The following GRK7 variants were observed in gnomAD, a reference collection of about 807,000 sequenced individuals.
GRK7 encodes the protein G protein-coupled receptor kinase 7.
GRK7 carries 24 observed loss-of-function variants against 34.1 expected under a neutral mutation model. The ratio of observed to expected loss-of-function variants is 0.70; its 90% CI spans 0.51 to 0.99. GRK7 has a LOEUF of 0.99. GRK7 is among the 50% of genes least tolerant of loss of function. The probability of loss-of-function intolerance (pLI) is 0.00; values close to 1 mark genes in which losing one functional copy is unlikely to be tolerated. For synonymous variants in GRK7, 256 were observed against 279.4 expected (o/e 0.92, Z 0.84); for missense variants, 644 against 707.3 (o/e 0.91, Z 1.02).
intron 4 of GRK7, among the ~76,000 whole-genome samples, chr3:141,785,733 C>T (rs1427809723): frequency 6.6e-6 from 1 of 150,774 alleles, no homozygotes; most frequent in East Asian, 1.9e-4. Flanking sequence ...CACTGCACTC[C>T]AGCCTGGATG....
chr3:141,777,322 C>CTTTTTTTATTTTTTTTTTT (rs2084644231), intron 2 of GRK7, among the ~76,000 whole-genome samples: 1 of 52,872 alleles, frequency 1.9e-5, no homozygotes, highest in Non-Finnish European at 3.4e-5. Context: ...GATGGCCCCT[C>CTTTTTTTATTTTTTTTTTT]TTTTTTTTTT....
intron 4 of GRK7, among the ~76,000 whole-genome samples, chr3:141,790,950 T>C (rs1234453450): frequency 6.6e-6 from 1 of 152,260 alleles, no homozygotes; most frequent in East Asian, 1.9e-4. Flanking sequence ...GTTTGTATCA[T>C]TGTAAAAGAT....
chr3:141,771,851 A>AT (rs2084618805), intron 1 of GRK7, among the ~76,000 whole-genome samples: 1 of 151,500 alleles, frequency 6.6e-6, no homozygotes, highest in Non-Finnish European at 1.5e-5. Context: ...TGCCCGGCTA[A>AT]TTTTTGTATT....
rs77216452 is a variant in GRK7, at chr3:141,813,911, A to T, written c.1326-2803A>T. ...TGTACTGGTTGAATGTAATAATATAAGTGAAGAGCTGAATGTTGTGTTAAC... is the reference window on the plus strand; with the variant it reads ...TGTACTGGTTGAATGTAATAATATATGTGAAGAGCTGAATGTTGTGTTAAC... On this transcript the variant is annotated intron_variant, in intron 5 of 5. Transcript: ENST00000682958. Among the ~76,000 whole-genome samples the T allele has an allele frequency of 7.2e-3, 1,097 of 152,308 alleles. 17 individuals are homozygous for T. Among genetic ancestry groups the T allele is most frequent in the African/African-American group, 0.025 (1,027 of 41,568 alleles).
intron 1 of GRK7, among the ~76,000 whole-genome samples, chr3:141,773,534 C>T (rs911543078): frequency 3.9e-5 from 6 of 152,050 alleles, no homozygotes; most frequent in Non-Finnish European, 7.4e-5. Flanking sequence ...TTTTTTGAGA[C>T]GGAGTCTTGC....
At chr3:141,780,173 AT>A (rs2084664252) in intron 3 of GRK7, among the ~76,000 whole-genome samples, 200 bp from the exon 4 acceptor site, 1 of 152,096 alleles carries the variant, frequency 6.6e-6, no homozygotes, top group African/African-American at 2.4e-5. Flanking sequence ...ATTTTCCTGT[AT>A]TTTTTTATGA....
the GRK7 span, among the ~76,000 whole-genome samples, chr3:141,756,792 A>G: frequency 1.3e-5 from 2 of 152,130 alleles, no homozygotes; most frequent in African/African-American, 4.8e-5. Flanking sequence ...TTATTGTTCA[A>G]CTCTTCAAGA....
intron 4 of GRK7, among the ~76,000 whole-genome samples, chr3:141,801,058 C>T (rs749447070): frequency 5.9e-5 from 9 of 152,100 alleles, no homozygotes; most frequent in Non-Finnish European, 1.0e-4. Flanking sequence ...CACCTGTAAT[C>T]CCAGCACTTT....
At chr3:141,807,622 G>GT in intron 4 of GRK7, 23 bp from the exon 5 acceptor site, 2 of 1,609,084 alleles carry the variant, frequency 1.2e-6, no homozygotes, top group Non-Finnish European at 1.7e-6. Flanking sequence ...GTGTTGTCTT[G>GT]TTTTTTGTTT....
At chr3:141,783,417 C>T (rs191270751) in intron 4 of GRK7, among the ~76,000 whole-genome samples, 48 of 152,264 alleles carry the variant, frequency 3.2e-4, no homozygotes, top group Non-Finnish European at 4.4e-5. Context: ...GGTGAAGGAG[C>T]GGGTTCTAGT....
upstream of GRK7, among the ~76,000 whole-genome samples, chr3:141,760,307 A>G (rs1577906582): frequency 1.2e-4 from 15 of 123,466 alleles, 1 homozygote; most frequent in South Asian, 4.4e-3. Context: ...AGATTCTGGT[A>G]TGTTGTGTCT....
chr3:141,810,698 G>A (rs895100824), intron 5 of GRK7, among the ~76,000 whole-genome samples: 1 of 151,972 alleles, frequency 6.6e-6, no homozygotes, highest in Non-Finnish European at 1.5e-5. Flanking sequence ...TGTATTTTTA[G>A]TAGAGACGGG....
intron 4 of GRK7, among the ~76,000 whole-genome samples, chr3:141,784,336 C>T (rs2084685941): frequency 6.6e-6 from 1 of 152,186 alleles, no homozygotes; most frequent in Non-Finnish European, 1.5e-5. Flanking sequence ...CTCTCCGTCC[C>T]GTGAGACCAC....
Position 141,778,965 on chromosome 3 carries a change from CT to C in GRK7, c.612+76del. On this transcript the variant is annotated intron_variant, in intron 3 of 5. Coordinates refer to ENST00000682958, the MANE Select transcript of GRK7 (RefSeq NM_139209.3). The surrounding 1 kb of genome is among the most constrained non-coding windows in gnomAD (Gnocchi z 4.1). The stretch of plus-strand genomic sequence containing the variant: ...CATGAAAGGGGGTAATGTTGCCTTT[CT>C]TTTTTTAAATCTCAGTTACTTAGAA... 2.8e-6 allele frequency: 4 copies of C among 1,432,424 alleles called. No homozygotes were observed. The highest frequency in any genetic ancestry group is 2.7e-5 in the South Asian group (2 of 73,066). 88.7% of individuals were successfully genotyped at this position (1,432,424 alleles called of 1,614,324 possible). A position where few individuals can be genotyped will look rare whatever the true frequency, so the allele number is the denominator to read the frequency against.
intron 5 of GRK7, among the ~76,000 whole-genome samples, chr3:141,808,122 A>C (rs1711055525): frequency 6.6e-6 from 1 of 152,226 alleles, no homozygotes; most frequent in Admixed American, 6.5e-5. Flanking sequence ...ATGTATTTTA[A>C]GGTGGAAAAG....
At chr3:141,784,214 C>G (rs931385400) in intron 4 of GRK7, among the ~76,000 whole-genome samples, 5 of 152,160 alleles carry the variant, frequency 3.3e-5, no homozygotes, top group African/African-American at 1.2e-4. Context: ...TCTGGCTCAT[C>G]TGGAACGTGC....
At chr3:141,772,441 C>G (rs2084621122) in intron 1 of GRK7, among the ~76,000 whole-genome samples, 1 of 152,312 alleles carries the variant, frequency 6.6e-6, no homozygotes, top group South Asian at 2.1e-4. Context: ...AGAACTTACA[C>G]TGCTCAAAAT....
At position 141,763,923 on chromosome 3, in the gene GRK7, G is replaced by T. The variant is rs922449045; in HGVS notation, c.-2030G>T. Among the ~76,000 whole-genome samples the T allele has an allele frequency of 6.6e-6, 1 of 151,980 alleles. No individual in the cohort carries two copies. ...CCCTAAAACCTGGTTCTCCCCCAAG[G>T]ACACTGTTTCTTCTGCAACACTTCT... On this transcript the variant is annotated 5_prime_UTR_variant, in exon 1 of 6. Coordinates refer to ENST00000682958, the MANE Select transcript of GRK7 (RefSeq NM_139209.3).
intron 4 of GRK7, among the ~76,000 whole-genome samples, chr3:141,799,520 G>A (rs755803851): frequency 3.3e-5 from 5 of 152,028 alleles, no homozygotes; most frequent in Non-Finnish European, 7.4e-5. Context: ...GCTGAGGCAG[G>A]AGAATCACTT....
Sources: gnomAD v4.1 joint callset for allele counts (sites outside exome capture counted in the v4.1 genomes callset) on GRCh38, gnomAD v4.1.1 for gene constraint, Gnocchi (gnomAD v3.1) non-coding constraint, MANE v1.5 for transcripts, NCBI Gene and HGNC (gene_info 2026-07-23, HGNC 2026-07-21) for gene names.